The following PYHIN1 variants were observed in gnomAD, a reference collection of about 807,000 sequenced individuals.
PYHIN1 encodes pyrin and HIN domain-containing protein 1.
PYHIN1 carries 32 observed loss-of-function variants against 43.7 expected under a neutral mutation model. That is an observed-to-expected ratio of 0.73 (90% CI 0.55 to 0.98). The LOEUF is 0.98. PYHIN1 is among the 50% of genes least tolerant of loss of function. The pLI, the probability that PYHIN1 is intolerant of heterozygous loss-of-function variation, is 0.00. For synonymous variants in PYHIN1, 205 were observed against 203.1 expected (o/e 1.01, Z -0.08); for missense variants, 588 against 589.5 (o/e 1.00, Z 0.03).
intron 2 of PYHIN1, 120 bp downstream of exon 2, chr1:158,937,295 A>T: frequency 8.9e-7 from 1 of 1,118,150 alleles, no homozygotes; most frequent in Non-Finnish European, 1.3e-6. Context: ...CTCACTGGCC[A>T]TGGCAATGTT....
In PYHIN1 at chr1:158,973,754, A is replaced by G. The variant is rs1557846558; in HGVS notation, c.1467A>G (p.Pro489=). The change falls in exon 8 of 9, where the codon CCA becomes CCG. Residue 489 remains proline, a synonymous_variant. Coordinates refer to ENST00000368140, the MANE Select transcript of PYHIN1 (RefSeq NM_152501.5). ...LSSDTSTNRH[P]AVP is the part of the protein sequence containing the mutation. ...CTGACACTTCCACCAACCGCCATCC[A>G]GCAGTTCCTTAAATAAGGTACCACC... 6.2e-7 allele frequency: 1 copy of G among 1,613,038 alleles called. No individual in the cohort carries two copies. Among genetic ancestry groups the G allele is most frequent in the East Asian group, 2.2e-5 (1 of 44,860 alleles).
chr1:158,958,779 A>AG (rs397738729), intron 7 of PYHIN1, among the ~76,000 whole-genome samples: 1 of 132,736 alleles, frequency 7.5e-6, no homozygotes, highest in African/African-American at 2.7e-5. Flanking sequence ...AAGAAAAAAA[A>AG]TAAATTAAAA....
intron 6 of PYHIN1, among the ~76,000 whole-genome samples, chr1:158,944,306 T>A (rs1006956679): frequency 2.0e-5 from 3 of 152,188 alleles, no homozygotes; most frequent in African/African-American, 7.2e-5. Context: ...GCTCATTGGT[T>A]GCATGATATT....
Position 158,943,874 on chromosome 1 carries a change from A to C in PYHIN1, c.1087A>C (p.Asn363His), listed in dbSNP as rs769420436. ...TGTAGTAGGAAAAGGAGAATGCCAC[A>C]ATATCCCCTGTGAAAAAGGAGATAA... ...MAVVGKGECH[N>H]IPCEKGDKLR... Residue 363 changes from asparagine to histidine, a missense_variant, in exon 6 of 9, where the codon AAT (asparagine) becomes CAT (histidine). By Grantham distance (68) the Asn-to-His change is moderately conservative (BLOSUM62 1). Transcript: ENST00000368140. 3.7e-6 allele frequency: 6 copies of C among 1,611,202 alleles called. No individual in the cohort carries two copies. Among genetic ancestry groups the C allele is most frequent in the Non-Finnish European group, 5.1e-6 (6 of 1,177,890 alleles).
chr1:158,966,245 A>G (rs1406928049), intron 7 of PYHIN1, among the ~76,000 whole-genome samples: 2 of 152,132 alleles, frequency 1.3e-5, no homozygotes, highest in Non-Finnish European at 1.5e-5. Flanking sequence ...AAGTCTACCA[A>G]CTAAAAGTAG....
chr1:158,944,034 A>C, intron 6 of PYHIN1, 56 bp downstream of exon 6: 1 of 1,435,000 alleles, frequency 7.0e-7, no homozygotes. Context: ...ATTTGCTTTA[A>C]GTTTTAGGAA....
At chr1:158,985,058 A>T in the PYHIN1 span, among the ~76,000 whole-genome samples, 1 of 152,096 alleles carries the variant, frequency 6.6e-6, no homozygotes, top group Non-Finnish European at 1.5e-5. Context: ...TTTACATGTA[A>T]GGTGGGTCTC....
chr1:158,939,192 G>C lies in PYHIN1; in HGVS notation c.524G>C (p.Arg175Pro). 6.2e-7 allele frequency: 1 copy of C among 1,613,304 alleles called. No individual in the cohort carries two copies. The highest frequency in any genetic ancestry group is 1.1e-5 in the South Asian group (1 of 90,904). ...AGASTSTAMG[R>P]SPPPQTSSSA... ...GCCAGCACGTCCACAGCCATGGGCC[G>C]TTCCCCACCTCCCCAGACCTCATCA... The change falls in exon 4 of 9, where the codon CGT becomes CCT. Residue 175 changes from arginine (R) to proline (P), a missense_variant. Transcript: ENST00000368140.
downstream of PYHIN1, among the ~76,000 whole-genome samples, chr1:158,980,683 C>T (rs544894548): frequency 6.0e-4 from 92 of 152,204 alleles, no homozygotes; most frequent in Admixed American, 5.6e-3. Context: ...TCTCTGCTCT[C>T]GAACCCTGTG....
At chr1:158,948,588 A>G (rs1649351027) in intron 7 of PYHIN1, among the ~76,000 whole-genome samples, 1 of 152,198 alleles carries the variant, frequency 6.6e-6, no homozygotes, top group Admixed American at 6.5e-5. Flanking sequence ...TTGCTGTAAG[A>G]GAAGTTTATT....
intron 8 of PYHIN1, among the ~76,000 whole-genome samples, 174 bp downstream of exon 8, chr1:158,973,945 CAATACTCACAA>C (rs1024285117): frequency 2.0e-5 from 3 of 152,042 alleles, no homozygotes; most frequent in Non-Finnish European, 2.9e-5. Context: ...CTAAGTCCTT[CAATACTCACAA>C]AATATGCATT....
chr1:158,975,141 G>A (rs996716514), intron 8 of PYHIN1, among the ~76,000 whole-genome samples: 1 of 151,930 alleles, frequency 6.6e-6, no homozygotes, highest in Non-Finnish European at 1.5e-5. Flanking sequence ...ACTTCCACAG[G>A]ATGCCTGGAA....
At chr1:158,982,273 T>C in the PYHIN1 span, among the ~76,000 whole-genome samples, 4 of 152,032 alleles carry the variant, frequency 2.6e-5, no homozygotes, top group Non-Finnish European at 5.9e-5. Context: ...TTTTAGGTTT[T>C]ACATATATAA....
chr1:158,943,241 C>T (rs901041031), intron 5 of PYHIN1, among the ~76,000 whole-genome samples: 5 of 152,078 alleles, frequency 3.3e-5, no homozygotes, highest in African/African-American at 1.2e-4. Context: ...ACATCCAGAA[C>T]GATGAGTAAT....
the PYHIN1 span, among the ~76,000 whole-genome samples, chr1:158,985,743 T>C: frequency 6.6e-6 from 1 of 152,236 alleles, no homozygotes; most frequent in Non-Finnish European, 1.5e-5. Context: ...TCTTCAAATA[T>C]GTTCTCCAAG....
At chr1:158,932,471 A>C (rs1648220800) in intron 1 of PYHIN1, among the ~76,000 whole-genome samples, 1 of 152,174 alleles carries the variant, frequency 6.6e-6, no homozygotes, top group Non-Finnish European at 1.5e-5. Context: ...TAGAAGATAA[A>C]ATAAGACAAG....
the PYHIN1 span, among the ~76,000 whole-genome samples, chr1:158,983,236 A>T: frequency 6.6e-6 from 1 of 152,036 alleles, no homozygotes; most frequent in Admixed American, 6.6e-5. Context: ...CTCAAGAGGT[A>T]TGATTTCAGC....
At chr1:158,951,374 A>T (rs1183903511) in intron 7 of PYHIN1, among the ~76,000 whole-genome samples, 1 of 152,204 alleles carries the variant, frequency 6.6e-6, no homozygotes, top group Non-Finnish European at 1.5e-5. Flanking sequence ...AGAGAAAAAC[A>T]GCATACAGGG....
At chr1:158,986,606 G>A in the PYHIN1 span, among the ~76,000 whole-genome samples, 1 of 152,188 alleles carries the variant, frequency 6.6e-6, no homozygotes, top group African/African-American at 2.4e-5. Context: ...GGTGCAGCGA[G>A]GCAGAAACTC....
Sources: gnomAD v4.1 joint callset for allele counts (sites outside exome capture counted in the v4.1 genomes callset) on GRCh38, gnomAD v4.1.1 for gene constraint, MANE v1.5 for transcripts, NCBI Gene and HGNC (gene_info 2026-07-23, HGNC 2026-07-21) for gene names.